The following FAM193A variants were observed in gnomAD, a reference collection of about 807,000 sequenced individuals.
FAM193A encodes protein FAM193A.
Under a neutral mutation model 126.5 loss-of-function variants are expected in FAM193A, and 22 were observed. That is an observed-to-expected ratio of 0.17 (90% CI 0.12 to 0.25). The LOEUF is 0.25. Among genes scored for constraint, FAM193A ranks in the 10% least tolerant of loss-of-function variants. The pLI is 1.00. For missense variants in FAM193A, 1,675 were observed against 1,672.8 expected, an observed-to-expected ratio of 1.00 and a Z score of -0.02; for synonymous variants, 761 against 646.8, an observed-to-expected ratio of 1.18 and a Z score of -2.68.
Position 2,625,346 on chromosome 4 carries a change from A to G in FAM193A, c.586A>G (p.Thr196Ala). 2 of 702,914 alleles carry G rather than the reference A, an allele frequency of 2.8e-6. No individual in the cohort carries two copies. Among genetic ancestry groups the G allele is most frequent in the Non-Finnish European group, 5.2e-6 (2 of 384,924 alleles). 43.5% of individuals were successfully genotyped at this position (702,914 alleles called of 1,614,324 possible). A position where few individuals can be genotyped will look rare whatever the true frequency, so the allele number is the denominator to read the frequency against. The part of the protein sequence containing the change: ...SGGRLALGAQ[T>A]LPSDTACSCE... ...TGGGAGGCTCGCTCTGGGTGCACAG[A>G]CGCTGCCTTCAGACACCGCATGCTC... Residue 196 changes from threonine to alanine, a missense_variant, in exon 3 of 21, where the codon ACG (threonine) becomes GCG (alanine). Physicochemically the swap from Thr to Ala is moderately conservative, Grantham distance 58. Around this residue, in one of 4 missense-constraint regions of FAM193A, gnomAD observed 1,186 missense variants for 1,109.2 expected, o/e 1.07. Transcript: ENST00000637812.
At chr4:2,709,623 A>G (rs1235509310) in intron 19 of FAM193A, among the ~76,000 whole-genome samples, 4 of 152,134 alleles carry the variant, frequency 2.6e-5, no homozygotes, top group Non-Finnish European at 5.9e-5. Flanking sequence ...GCAGGAGAAT[A>G]GCTTGAACCC....
intron 1 of FAM193A, among the ~76,000 whole-genome samples, chr4:2,584,822 G>A (rs1740143771): frequency 6.6e-6 from 1 of 152,034 alleles, no homozygotes; most frequent in Admixed American, 6.6e-5. Context: ...CTACTCAGGA[G>A]GCTGAGGCAG....
intron 18 of FAM193A, among the ~76,000 whole-genome samples, chr4:2,698,000 T>G (rs1224792310): frequency 6.6e-6 from 1 of 152,212 alleles, no homozygotes; most frequent in Non-Finnish European, 1.5e-5. Context: ...GAGGCCCAGC[T>G]GAACCTTAGA....
intron 19 of FAM193A, among the ~76,000 whole-genome samples, chr4:2,714,871 A>C (rs1719371884): frequency 6.6e-6 from 1 of 152,174 alleles, no homozygotes; most frequent in South Asian, 2.1e-4. Context: ...CTCTTTGTTC[A>C]CATCGATGAG....
intron 2 of FAM193A, among the ~76,000 whole-genome samples, chr4:2,616,737 G>C (rs550247651): frequency 1.3e-5 from 2 of 151,714 alleles, no homozygotes; most frequent in Admixed American, 6.6e-5. Context: ...TTTTGTTTTT[G>C]TATTTTTAGT....
intron 1 of FAM193A, among the ~76,000 whole-genome samples, chr4:2,547,143 G>T (rs903852943): frequency 6.6e-6 from 1 of 151,980 alleles, no homozygotes; most frequent in African/African-American, 2.4e-5. Context: ...ATTCCAGCAC[G>T]TTGGGAGGCC....
At chr4:2,536,614 C>T (rs1017289020), upstream of FAM193A, 20 of 147,384 alleles carry the variant, frequency 1.4e-4, no homozygotes, top group Admixed American at 1.4e-4. Flanking sequence ...CCCCTCCCCG[C>T]TGCTCCTTCC....
chr4:2,582,300 G>T (rs1445602439), intron 1 of FAM193A, among the ~76,000 whole-genome samples: 1 of 152,000 alleles, frequency 6.6e-6, no homozygotes, highest in African/African-American at 2.4e-5. Flanking sequence ...CACAAGTGTG[G>T]TCTAATTTTT....
intron 6 of FAM193A, 111 bp from the exon 7 acceptor site, chr4:2,646,574 G>C: frequency 8.5e-7 from 1 of 1,175,754 alleles, no homozygotes; most frequent in Non-Finnish European, 1.2e-6. Context: ...TGTTTTCCAC[G>C]TTGGGAGGCG....
intron 1 of FAM193A, among the ~76,000 whole-genome samples, chr4:2,556,727 A>T (rs982739841): frequency 1.3e-5 from 2 of 152,204 alleles, no homozygotes; most frequent in Non-Finnish European, 2.9e-5. Flanking sequence ...GAGTAATTCC[A>T]ATAATGTTTG....
chr4:2,540,467 C>G (rs1037522607), intron 1 of FAM193A, among the ~76,000 whole-genome samples: 3 of 142,352 alleles, frequency 2.1e-5, no homozygotes, highest in Non-Finnish European at 4.4e-5. Context: ...GACTCCGTCT[C>G]AAAACAAACA....
intron 2 of FAM193A, among the ~76,000 whole-genome samples, chr4:2,622,441 G>T (rs1560488605): frequency 6.6e-6 from 1 of 152,012 alleles, no homozygotes; most frequent in South Asian, 2.1e-4. Flanking sequence ...AGACTTGGGG[G>T]TCTTTGTTCT....
chr4:2,546,017 A>G (rs1393265131), intron 1 of FAM193A, among the ~76,000 whole-genome samples: 5 of 152,052 alleles, frequency 3.3e-5, no homozygotes, highest in Non-Finnish European at 7.4e-5. Flanking sequence ...GTGTGGTAGC[A>G]GGCGCCTGTA....
At chr4:2,553,815 G>A (rs1302456899) in intron 1 of FAM193A, among the ~76,000 whole-genome samples, 1 of 151,988 alleles carries the variant, frequency 6.6e-6, no homozygotes, top group Non-Finnish European at 1.5e-5. Context: ...GGTCTTTCCC[G>A]TGCTGTTCTC....
At chr4:2,632,535 A>G (rs1560501200) in intron 5 of FAM193A, among the ~76,000 whole-genome samples, 1 of 152,220 alleles carries the variant, frequency 6.6e-6, no homozygotes, top group Non-Finnish European at 1.5e-5. Context: ...GAATAGAGTG[A>G]GATCCTATCT....
chr4:2,708,353 G>C (rs1218270522), intron 19 of FAM193A: 3 of 213,674 alleles, frequency 1.4e-5, no homozygotes, highest in African/African-American at 2.4e-5. Context: ...TACAACTCCT[G>C]ACCTCAGGTG....
upstream of FAM193A, among the ~76,000 whole-genome samples, chr4:2,536,159 G>A (rs939362325): frequency 6.6e-6 from 1 of 151,428 alleles, no homozygotes; most frequent in Non-Finnish European, 1.5e-5. Context: ...ACAGGGGCGC[G>A]GGCGAGGCGG....
chr4:2,653,497 G>T (rs1745874812), intron 7 of FAM193A, among the ~76,000 whole-genome samples: 1 of 152,044 alleles, frequency 6.6e-6, no homozygotes, highest in Admixed American at 6.6e-5. Flanking sequence ...AGGCTGGAGT[G>T]CAGTGGTGTG....
At chr4:2,544,484 C>T (rs1328394765) in intron 1 of FAM193A, among the ~76,000 whole-genome samples, 4 of 152,078 alleles carry the variant, frequency 2.6e-5, no homozygotes, top group East Asian at 1.9e-4. Flanking sequence ...GGAAGGATCA[C>T]GAGGTCAGGA....
Sources: allele counts gnomAD v4.1 joint callset (sites outside exome capture counted in the v4.1 genomes callset), GRCh38; gene constraint gnomAD v4.1.1; regional missense constraint gnomAD v4.1.1; transcripts MANE v1.5; gene names NCBI Gene and HGNC (gene_info 2026-07-23, HGNC 2026-07-21).